P4HB: variants seen among roughly 807,000 people sequenced by gnomAD.
P4HB encodes protein disulfide-isomerase.
P4HB carries 20 observed loss-of-function variants against 52.6 expected under a neutral mutation model. The ratio of observed to expected loss-of-function variants is 0.38; its 90% CI spans 0.27 to 0.55. The LOEUF is 0.55. P4HB is among the 20% of genes least tolerant of loss of function. The pLI, the probability that P4HB is intolerant of heterozygous loss-of-function variation, is 0.74. For synonymous variants in P4HB, 296 were observed against 277.9 expected (o/e 1.07, Z -0.65); for missense variants, 601 against 669.2 (o/e 0.90, Z 1.12).
At chr17:81,849,415 G>C (rs1182769257) in intron 4 of P4HB, among the ~76,000 whole-genome samples, 1 of 152,112 alleles carries the variant, frequency 6.6e-6, no homozygotes, top group African/African-American at 2.4e-5. Flanking sequence ...AGAATCGCTT[G>C]AACCCAGGAG....
chr17:81,853,654 C>T (rs1457346870), intron 4 of P4HB, among the ~76,000 whole-genome samples: 1 of 152,110 alleles, frequency 6.6e-6, no homozygotes, highest in Non-Finnish European at 1.5e-5. Flanking sequence ...CCAGAGGCTG[C>T]CCGTCTGACC....
In P4HB at chr17:81,843,868, G is replaced by T; in HGVS notation, c.*144C>A. The T allele has an allele frequency of 1.4e-6, 1 of 708,364 alleles. No individual in the cohort carries two copies. 43.9% of individuals were successfully genotyped at this position (708,364 alleles called of 1,614,324 possible). Reference sequence around the variant, plus strand: ...ACGGGGGTGAACGGACGGTGTGTAGGGGTGAGGTGTCACTTCAGAGAGGTT... The same window carrying T: ...ACGGGGGTGAACGGACGGTGTGTAGTGGTGAGGTGTCACTTCAGAGAGGTT... On this transcript the variant is annotated 3_prime_UTR_variant, in exon 11 of 11. Coordinates refer to ENST00000331483, the MANE Select transcript of P4HB (RefSeq NM_000918.4).
intron 4 of P4HB, among the ~76,000 whole-genome samples, chr17:81,848,442 C>A (rs931427141): frequency 2.0e-5 from 3 of 151,958 alleles, no homozygotes; most frequent in Non-Finnish European, 2.9e-5. Flanking sequence ...GATTATTATT[C>A]TTTTAAAATA....
chr17:81,846,090 C>T lies in P4HB; in HGVS notation c.1057-99G>A. On this transcript the variant is annotated intron_variant, in intron 7 of 10. Coordinates refer to ENST00000331483, the MANE Select transcript of P4HB (RefSeq NM_000918.4). The surrounding 1 kb of genome is among the most constrained non-coding windows in gnomAD (Gnocchi z 5.7). ...CCCGGGACTGAGGTGCGTGGCTGCCCTGGGCACACCAGGGTGGCAGCCGCA... is the reference window on the plus strand; with the variant it reads ...CCCGGGACTGAGGTGCGTGGCTGCCTTGGGCACACCAGGGTGGCAGCCGCA... 7.2e-7 allele frequency: 1 copy of T among 1,389,906 alleles called. No homozygotes were observed. The highest frequency in any genetic ancestry group is 1.5e-5 in the South Asian group (1 of 68,300). The allele number at this position is 1,389,906 out of a possible 1,614,324, so 86.1% of individuals were successfully genotyped here.
In P4HB at chr17:81,859,200, A is replaced by T; in HGVS notation, c.333T>A (p.Ala111=). The change falls in exon 2 of 11, where the codon GCT becomes GCA. Residue 111 remains alanine (A), a synonymous_variant. Transcript: ENST00000331483. ...CCACACCTGTATATTCCTTGGGGGA[A>T]GCCGTGTCTCCATTCCTGAAGAACT... ...TIKFFRNGDT[A]SPKEYTAGRE... 1 of 1,613,902 alleles carries T rather than the reference A, an allele frequency of 6.2e-7. No individual in the cohort carries two copies. Among genetic ancestry groups the T allele is most frequent in the Non-Finnish European group, 8.5e-7 (1 of 1,179,968 alleles).
intron 4 of P4HB, among the ~76,000 whole-genome samples, chr17:81,852,278 C>T (rs1165057702): frequency 1.3e-5 from 2 of 152,238 alleles, no homozygotes; most frequent in African/African-American, 4.8e-5. Flanking sequence ...CCAGCAGCCC[C>T]CGCAGAGGTT....
At position 81,846,081 on chromosome 17, in the gene P4HB, G is replaced by A. The variant is rs2038731284; in HGVS notation, c.1057-90C>T. On this transcript the variant is annotated intron_variant, in intron 7 of 10. Transcript: ENST00000331483. This position sits in a 1 kb window ranked among gnomAD's most constrained non-coding sequence, Gnocchi z 5.7. ...CTCACCCTGCCCGGGACTGAGGTGC[G>A]TGGCTGCCCTGGGCACACCAGGGTG... 6.3e-6 allele frequency: 9 copies of A among 1,431,948 alleles called. No individual in the cohort carries two copies. The highest frequency in any genetic ancestry group is 4.2e-5 in the South Asian group (3 of 70,920). 88.7% of individuals were successfully genotyped at this position (1,431,948 alleles called of 1,614,324 possible).
Position 81,846,243 on chromosome 17 carries a change from G to T in P4HB, c.1056+186C>A. 1 of 718,574 alleles carries T rather than the reference G, an allele frequency of 1.4e-6. No homozygotes were observed. Among genetic ancestry groups the T allele is most frequent in the Non-Finnish European group, 2.3e-6 (1 of 441,558 alleles). 44.5% of individuals were successfully genotyped at this position (718,574 alleles called of 1,614,324 possible). ...GAGGAGCATCTGGGCCAGCCGTGTG[G>T]ACAAGAGGGCTCCTACAGGTCCCCA... On this transcript the variant is annotated intron_variant, in intron 7 of 10. Transcript: ENST00000331483. This position sits in a 1 kb window ranked among gnomAD's most constrained non-coding sequence, Gnocchi z 5.7.
Position 81,860,388 on chromosome 17 carries a change from C to T in P4HB, c.84G>A (p.Val28=), listed in dbSNP as rs1326451402. Residue 28 remains valine, a synonymous_variant, in exon 1 of 11, where the codon GTG becomes GTA. Transcript: ENST00000331483. ...DAPEEEDHVL[V]LRKSNFAEAL... Reference sequence around the variant, plus strand: ...CCTCCGCGAAGTTGCTTTTCCGCAGCACCAGGACGTGGTCCTCCTCCTCGG... The same window carrying T: ...CCTCCGCGAAGTTGCTTTTCCGCAGTACCAGGACGTGGTCCTCCTCCTCGG... 5 of 1,468,876 alleles carry T rather than the reference C, an allele frequency of 3.4e-6. No individual in the cohort carries two copies. Among genetic ancestry groups the T allele is most frequent in the Middle Eastern group, 3.5e-4 (2 of 5,770 alleles). 91.0% of individuals were successfully genotyped at this position (1,468,876 alleles called of 1,614,324 possible). A position where few individuals can be genotyped will look rare whatever the true frequency, so the allele number is the denominator to read the frequency against.
intron 10 of P4HB, among the ~76,000 whole-genome samples, chr17:81,844,473 T>C (rs1478356226): frequency 6.6e-6 from 1 of 152,144 alleles, no homozygotes; most frequent in African/African-American, 2.4e-5. Context: ...CCAGGCACAG[T>C]CACCACTGGG....
intron 4 of P4HB, among the ~76,000 whole-genome samples, 194 bp downstream of exon 4, chr17:81,854,948 A>G (rs989085389): frequency 4.6e-5 from 7 of 151,730 alleles, no homozygotes; most frequent in African/African-American, 1.5e-4. Flanking sequence ...GAGAGTGGCC[A>G]GAAAGCCCAC....
chr17:81,859,303 A>C lies in P4HB; in HGVS notation c.230T>G (p.Ile77Ser). Residue 77 changes from isoleucine (I) to serine (S), a missense_variant, in exon 2 of 11, where the codon ATC (isoleucine) becomes AGC (serine). Physicochemically the swap from Ile to Ser is moderately radical, Grantham distance 142. Coordinates refer to ENST00000331483, the MANE Select transcript of P4HB (RefSeq NM_000918.4). ...AGKLKAEGSE[I>S]RLAKVDATEE... is the part of the protein sequence containing the mutation. ...CGTGGCGTCCACCTTGGCCAACCTG[A>C]TCTCGGAACCTTCTGCCTTCAGCTT... 1 of 1,613,906 alleles carries C rather than the reference A, an allele frequency of 6.2e-7. No individual in the cohort carries two copies. Among genetic ancestry groups the C allele is most frequent in the South Asian group, 1.1e-5 (1 of 91,084 alleles).
In P4HB at chr17:81,843,274, A is replaced by C. The variant is rs1598261656; in HGVS notation, c.*738T>G. ...CTCCAGCATCCTTGGCCACCTCCCCACCCGGGAGTCAAGGGTCGTGGTTCT... is the reference window on the plus strand; with the variant it reads ...CTCCAGCATCCTTGGCCACCTCCCCCCCCGGGAGTCAAGGGTCGTGGTTCT... On this transcript the variant is annotated 3_prime_UTR_variant, in exon 11 of 11. Transcript: ENST00000331483. The C allele has an allele frequency of 7.9e-6, 3 of 381,494 alleles. No homozygotes were observed. The allele number at this position is 381,494 out of a possible 1,614,324, so 23.6% of individuals were successfully genotyped here.
intron 4 of P4HB, among the ~76,000 whole-genome samples, chr17:81,850,977 G>A (rs1369387211): frequency 2.7e-5 from 4 of 150,126 alleles, no homozygotes; most frequent in African/African-American, 7.4e-5. Flanking sequence ...TGTCGCCTAC[G>A]CTGGAGTGCA....
At chr17:81,850,956 G>C (rs1400101881) in intron 4 of P4HB, among the ~76,000 whole-genome samples, 4 of 150,780 alleles carry the variant, frequency 2.7e-5, no homozygotes, top group Non-Finnish European at 4.4e-5. Flanking sequence ...TTTTGAGACA[G>C]AGTCTTGCTC....
chr17:81,858,514 A>G (rs1436005528), intron 2 of P4HB, among the ~76,000 whole-genome samples: 1 of 152,120 alleles, frequency 6.6e-6, no homozygotes, highest in Non-Finnish European at 1.5e-5. Context: ...CTGACATGCC[A>G]CAGAACCGGT....
chr17:81,850,130 A>G (rs1225130993), intron 4 of P4HB, among the ~76,000 whole-genome samples: 2 of 146,204 alleles, frequency 1.4e-5, no homozygotes, highest in African/African-American at 5.1e-5. Context: ...GCCCGGCCCA[A>G]ACTATTTTAT....
intron 2 of P4HB, among the ~76,000 whole-genome samples, chr17:81,856,414 T>C (rs1375066537): frequency 6.7e-6 from 1 of 149,722 alleles, no homozygotes; most frequent in Non-Finnish European, 1.5e-5. Context: ...CTCGGCTCAC[T>C]GCAACCTCCA....
intron 10 of P4HB, among the ~76,000 whole-genome samples, chr17:81,844,940 C>G (rs531350829): frequency 4.5e-4 from 69 of 152,372 alleles, no homozygotes; most frequent in African/African-American, 1.6e-3. Context: ...TAAAGAAGTG[C>G]TGGCCAGGGA....
Sources: allele counts gnomAD v4.1 joint callset (sites outside exome capture counted in the v4.1 genomes callset), GRCh38; gene constraint gnomAD v4.1.1; non-coding constraint Gnocchi (gnomAD v3.1); transcripts MANE v1.5; gene names NCBI Gene and HGNC (gene_info 2026-07-23, HGNC 2026-07-21).